NCOR2: variants seen among roughly 807,000 people sequenced by gnomAD.
NCOR2 encodes CTG repeat protein 26.
NCOR2 carries 81 observed loss-of-function variants against 262.9 expected under a neutral mutation model. That is an observed-to-expected ratio of 0.31 (90% CI 0.26 to 0.37). The LOEUF (loss-of-function observed/expected upper bound fraction) is 0.37, where lower values mean the gene tolerates loss of function less well. Ranked by LOEUF, NCOR2 falls within the 10% of genes least tolerant of loss-of-function variation. The probability of loss-of-function intolerance (pLI) is 1.00; values close to 1 mark genes in which losing one functional copy is unlikely to be tolerated. For synonymous variants in NCOR2, 1,659 were observed against 1,559.3 expected (o/e 1.06, Z -1.51); for missense variants, 3,385 against 3,621.4 (o/e 0.93, Z 1.68).
At chr12:124,491,599 T>C (rs111450676) in intron 1 of NCOR2, among the ~76,000 whole-genome samples, 1 of 152,206 alleles carries the variant, frequency 6.6e-6, no homozygotes, top group African/African-American at 2.4e-5. Flanking sequence ...TGTCCCTGCT[T>C]TTAACTGCAT....
chr12:124,337,315 T>C (rs2035977846), intron 37 of NCOR2, 135 bp from the exon 40 acceptor site: 2 of 1,005,926 alleles, frequency 2.0e-6, no homozygotes, highest in Non-Finnish European at 3.0e-6. Context: ...CTCCTGACTG[T>C]AACCTGCCAG....
At chr12:124,542,576 C>T (rs564983512) in intron 1 of NCOR2, 4 of 152,804 alleles carry the variant, frequency 2.6e-5, no homozygotes, top group Admixed American at 6.5e-5. Flanking sequence ...GGGCGTGCTC[C>T]GCAGAAGCTC....
chr12:124,411,177 C>T (rs561443255), intron 13 of NCOR2, among the ~76,000 whole-genome samples: 6 of 151,056 alleles, frequency 4.0e-5, no homozygotes, highest in African/African-American at 7.3e-5. Flanking sequence ...ACAGACGAGA[C>T]GTGGACACAG....
chr12:124,567,449 C>G (rs2052285825), exon 1 of NCOR2: 1 of 149,744 alleles, frequency 6.7e-6, no homozygotes, highest in East Asian at 1.9e-4. Context: ...CCGCCGCCGC[C>G]TCCTAGGGCG....
At position 124,466,451 on chromosome 12, in the gene NCOR2, G is replaced by A. The variant is rs143671161; in HGVS notation, c.592-165C>T. Among the ~76,000 whole-genome samples, 298 of 152,264 alleles carry A rather than the reference G, an allele frequency of 2.0e-3. 2 individuals carry two copies. The highest frequency in any genetic ancestry group is 6.7e-3 in the African/African-American group (277 of 41,542). On this transcript the variant is annotated intron_variant, in intron 4 of 46. Coordinates refer to ENST00000405201, the Ensembl canonical transcript of NCOR2. ...GAGTCACCCCAGGGACTCCGCACCCGGGAGAGGCCCCAGCTCCAGGGCCAG... is the reference window on the plus strand; with the variant it reads ...GAGTCACCCCAGGGACTCCGCACCCAGGAGAGGCCCCAGCTCCAGGGCCAG...
chr12:124,518,804 G>A (rs1029817585), intron 1 of NCOR2, among the ~76,000 whole-genome samples: 3 of 152,090 alleles, frequency 2.0e-5, no homozygotes, highest in African/African-American at 4.8e-5. Flanking sequence ...ACTTTAACCC[G>A]CTTCCTCCCA....
chr12:124,424,327 C>T (rs1171718735), intron 11 of NCOR2, among the ~76,000 whole-genome samples: 2 of 152,136 alleles, frequency 1.3e-5, no homozygotes, highest in Admixed American at 1.3e-4. Flanking sequence ...ACCATCACCT[C>T]CCTCGTTCAA....
chr12:124,560,287 T>C (rs981454230), intron 1 of NCOR2, among the ~76,000 whole-genome samples: 1 of 152,258 alleles, frequency 6.6e-6, no homozygotes, highest in African/African-American at 2.4e-5. Context: ...TTGCAAACGC[T>C]GTACCCAAAA....
rs1447077547 is a variant in NCOR2, at chr12:124,481,216, A to G, written c.411+2380T>C. On this transcript the variant is annotated intron_variant, in intron 3 of 46. Transcript: ENST00000405201. This position sits in a 1 kb window ranked among gnomAD's most constrained non-coding sequence, Gnocchi z 4.6. Reference sequence around the variant, plus strand: ...AGGAAGGGGAGGAAGGGCAGGAAGGATGTGCTGGAAGGGTTGGGCGTCGGG... The same window carrying G: ...AGGAAGGGGAGGAAGGGCAGGAAGGGTGTGCTGGAAGGGTTGGGCGTCGGG... 6.6e-6 allele frequency among the ~76,000 whole-genome samples: 1 copy of G among 151,332 alleles called. No homozygotes were observed. The highest frequency in any genetic ancestry group is 1.5e-5 in the Non-Finnish European group (1 of 67,822).
At chr12:124,521,491 C>T (rs911215364) in intron 1 of NCOR2, among the ~76,000 whole-genome samples, 1 of 152,158 alleles carries the variant, frequency 6.6e-6, no homozygotes, top group African/African-American at 2.4e-5. Flanking sequence ...ACACATTGTG[C>T]GGAGTGAAAG....
At position 124,517,742 on chromosome 12, in the gene NCOR2, C is replaced by A. The variant is rs2049903134; in HGVS notation, c.-118+17823G>T. On this transcript the variant is annotated intron_variant, in intron 1 of 46. Transcript: ENST00000404621. The surrounding 1 kb of genome is among the most constrained non-coding windows in gnomAD (Gnocchi z 7.6). ...AGAGGAGCACAGTGCCCACCCGGGT[C>A]CCCTCCCACGCGGGCCGGCCAAGAA... Among the ~76,000 whole-genome samples the A allele has an allele frequency of 6.6e-6, 1 of 152,216 alleles. No individual in the cohort carries two copies. Among genetic ancestry groups the A allele is most frequent in the Non-Finnish European group, 1.5e-5 (1 of 68,026 alleles).
chr12:124,349,616 G>T (rs1039010185), intron 28 of NCOR2, among the ~76,000 whole-genome samples: 8 of 152,192 alleles, frequency 5.3e-5, no homozygotes, highest in African/African-American at 1.9e-4. Flanking sequence ...CACACCTGCC[G>T]CTGCCTGCAC....
At chr12:124,329,923 G>A (rs2035034481) in intron 44 of NCOR2, among the ~76,000 whole-genome samples, 2 of 152,118 alleles carry the variant, frequency 1.3e-5, no homozygotes, top group African/African-American at 4.8e-5. Context: ...TCTTCCCGTT[G>A]CCTGAGGCTT....
intron 13 of NCOR2, among the ~76,000 whole-genome samples, chr12:124,410,686 A>C (rs7955696): frequency 0.019 from 2,877 of 152,252 alleles, 84 homozygotes; most frequent in African/African-American, 0.064. Flanking sequence ...CCGCCCTGCC[A>C]CCGGTCCCCA....
intron 17 of NCOR2, among the ~76,000 whole-genome samples, chr12:124,384,130 C>T (rs753837742): frequency 6.6e-6 from 1 of 152,222 alleles, no homozygotes; most frequent in Non-Finnish European, 1.5e-5. Flanking sequence ...AGGGCCAAAG[C>T]CCTGCCCCCA....
intron 18 of NCOR2, among the ~76,000 whole-genome samples, chr12:124,377,067 C>T (rs928268480): frequency 2.4e-4 from 37 of 152,132 alleles, no homozygotes; most frequent in African/African-American, 8.4e-4. Flanking sequence ...CACTCGTGAC[C>T]GAGAGTGCGG....
intron 22 of NCOR2, among the ~76,000 whole-genome samples, chr12:124,357,343 G>A (rs2038030851): frequency 6.6e-6 from 1 of 152,128 alleles, no homozygotes; most frequent in African/African-American, 2.4e-5. Context: ...TGTAGAGATG[G>A]GGTCTTGCTA....
chr12:124,363,242 A>G (rs1008402704), intron 21 of NCOR2, among the ~76,000 whole-genome samples: 9 of 152,088 alleles, frequency 5.9e-5, no homozygotes, highest in Non-Finnish European at 1.2e-4. Flanking sequence ...GGCCAGACTC[A>G]CCTCCCTGGA....
intron 1 of NCOR2, among the ~76,000 whole-genome samples, chr12:124,508,557 G>T (rs915654396): frequency 6.6e-6 from 1 of 152,182 alleles, no homozygotes; most frequent in Non-Finnish European, 1.5e-5. Flanking sequence ...CCGCAGGAAG[G>T]GGGTGACCGC....
Sources: gnomAD v4.1 joint callset for allele counts (sites outside exome capture counted in the v4.1 genomes callset) on GRCh38, gnomAD v4.1.1 for gene constraint, Gnocchi (gnomAD v3.1) non-coding constraint, MANE v1.5 for transcripts, NCBI Gene and HGNC (gene_info 2026-07-23, HGNC 2026-07-21) for gene names.